ATP8B1: variants seen among roughly 807,000 people sequenced by gnomAD.
ATP8B1 encodes phospholipid-transporting ATPase IC.
ATP8B1 carries 80 observed loss-of-function variants against 149.9 expected under a neutral mutation model. The observed-to-expected ratio is 0.53, with a 90% CI of 0.45 to 0.64. The LOEUF (loss-of-function observed/expected upper bound fraction) is 0.64, where lower values mean the gene tolerates loss of function less well. ATP8B1 is among the 30% of genes least tolerant of loss of function. ATP8B1 has a pLI of 0.00. For synonymous variants in ATP8B1, 536 were observed against 562.8 expected, an observed-to-expected ratio of 0.95 and a Z score of 0.67; for missense variants, 1,247 against 1,552.6, an observed-to-expected ratio of 0.80 and a Z score of 3.31.
In ATP8B1 at chr18:57,651,573, C is replaced by G. The variant is rs576066834; in HGVS notation, c.3400+461G>C. 3.9e-5 allele frequency among the ~76,000 whole-genome samples: 6 copies of G among 152,218 alleles called. No homozygotes were observed. In the East Asian group the frequency reaches 1.2e-3, roughly 29 times the overall value. On this transcript the variant is annotated intron_variant, in intron 26 of 27. Coordinates refer to ENST00000648908, the MANE Select transcript of ATP8B1 (RefSeq NM_001374385.1). Reference sequence around the variant, plus strand: ...CCACCATCACCATTTAATTTCCAGACAAGACATTAATTTTCACTAGCAATA... The same window carrying G: ...CCACCATCACCATTTAATTTCCAGAGAAGACATTAATTTTCACTAGCAATA...
Position 57,671,495 on chromosome 18 carries a change from A to C in ATP8B1, c.1905T>G (p.Thr635=). The C allele has an allele frequency of 6.2e-7, 1 of 1,613,700 alleles. No homozygotes were observed. Among genetic ancestry groups the C allele is most frequent in the Admixed American group, 1.7e-5 (1 of 60,024 alleles). The change falls in exon 17 of 28, where the codon ACT becomes ACG. Residue 635 remains threonine, a synonymous_variant. Transcript: ENST00000648908. ...IYERLHRMNP[T]KQETQDALDI... ...CCAGGGCATCCTGTGTTTCTTGCTT[A>C]GTAGGATTCATTCGATGTAACCGTT...
intron 1 of ATP8B1, among the ~76,000 whole-genome samples, chr18:57,779,695 C>T (rs938283271): frequency 3.9e-5 from 6 of 152,158 alleles, no homozygotes; most frequent in Admixed American, 3.3e-4. Context: ...GTCAGCACTT[C>T]GAGACCAGCC....
rs1007120102 is a variant in ATP8B1 at position 57,802,061 on chromosome 18, C to CG, written c.-26+936_-26+937insC. 6.6e-6 allele frequency: 1 copy of CG among 151,792 alleles called. No individual in the cohort carries two copies. The highest frequency in any genetic ancestry group is 6.6e-5 in the Admixed American group (1 of 15,236). The allele number at this position is 151,792 out of a possible 1,614,324, so 9.4% of individuals were successfully genotyped here. On this transcript the variant is annotated intron_variant, in intron 1 of 27. Coordinates refer to ENST00000648908, the MANE Select transcript of ATP8B1 (RefSeq NM_001374385.1). The surrounding 1 kb of genome is among the most constrained non-coding windows in gnomAD (Gnocchi z 4.9). ...ATCTGCGCTCCGAGCACCGCCCCCC[C>CG]CCGCAACCAGCCACCAACCCCCGGC...
intron 1 of ATP8B1, among the ~76,000 whole-genome samples, chr18:57,769,395 G>A (rs772849435): frequency 1.3e-4 from 20 of 152,050 alleles, no homozygotes; most frequent in Non-Finnish European, 2.8e-4. Context: ...AGGTATGCCC[G>A]TGCGCCTTCC....
chr18:57,713,179 C>CTTTCTTTCTT lies in ATP8B1; in HGVS notation c.182-6602_182-6593dup, dbSNP rs1555694211. ...TTTCTCTTTCTTTCTTTCTTTCTTT[C>CTTTCTTTCTT]TTTCTTTCTTTCTTTCTTTCCTTCC... On this transcript the variant is annotated intron_variant, in intron 2 of 27. Transcript: ENST00000648908. Among the ~76,000 whole-genome samples, 8 of 74,864 alleles carry CTTTCTTTCTT rather than the reference C, an allele frequency of 1.1e-4. 1 individual carries two copies. The highest frequency in any genetic ancestry group is 2.1e-4 in the Non-Finnish European group (8 of 37,706). The allele number at this position is 74,864 out of a possible 152,430, so 49.1% of individuals were successfully genotyped here.
chr18:57,702,199 C>A (rs575883558), intron 4 of ATP8B1, among the ~76,000 whole-genome samples: 1 of 152,294 alleles, frequency 6.6e-6, no homozygotes, highest in Non-Finnish European at 1.5e-5. Flanking sequence ...ATTGGCCTAT[C>A]CAAGAAAGTG....
At chr18:57,719,379 G>C (rs1032651248) in intron 2 of ATP8B1, among the ~76,000 whole-genome samples, 7 of 152,212 alleles carry the variant, frequency 4.6e-5, no homozygotes, top group Admixed American at 4.6e-4. Flanking sequence ...GTGCCAGACA[G>C]TGGGCGCAGG....
rs1370392608 is a variant in ATP8B1 at position 57,648,447 on chromosome 18, A to T, written c.*41T>A. The T allele has an allele frequency of 6.2e-7, 1 of 1,600,674 alleles. No individual in the cohort carries two copies. Among genetic ancestry groups the T allele is most frequent in the African/African-American group, 1.3e-5 (1 of 74,772 alleles). On this transcript the variant is annotated 3_prime_UTR_variant, in exon 28 of 28. Coordinates refer to ENST00000648908, the MANE Select transcript of ATP8B1 (RefSeq NM_001374385.1). ...TCCTGAGAGTCTTTCATAAAAAAAT[A>T]GACGTGCTTTGTGGCCGCATCCCAG...
Position 57,784,209 on chromosome 18 carries a change from A to G in ATP8B1, c.-26+18789T>C, listed in dbSNP as rs1487226739. Among the ~76,000 whole-genome samples, 2 of 152,182 alleles carry G rather than the reference A, an allele frequency of 1.3e-5. No homozygotes were observed. Among genetic ancestry groups the G allele is most frequent in the Non-Finnish European group, 2.9e-5 (2 of 68,034 alleles). ...CTTCAGAAACTGAAGGAGAAAAAGA[A>G]TGGAATTTGCAGGGGGAAGCCGGGG... On this transcript the variant is annotated intron_variant, in intron 1 of 27. Coordinates refer to ENST00000648908, the MANE Select transcript of ATP8B1 (RefSeq NM_001374385.1). This position sits in a 1 kb window ranked among gnomAD's most constrained non-coding sequence, Gnocchi z 4.4.
At chr18:57,800,341 T>C (rs796727051) in intron 1 of ATP8B1, among the ~76,000 whole-genome samples, 32 of 152,218 alleles carry the variant, frequency 2.1e-4, no homozygotes, top group African/African-American at 7.5e-4. Context: ...TGTATTTTAT[T>C]TATAAAAAAT....
chr18:57,668,481 T>G lies in ATP8B1; in HGVS notation c.2157A>C (p.Ser719=). ...KLQDGVPETI[S]KLAKADIKIW... is the part of the protein sequence containing the mutation. Reference sequence around the variant, plus strand: ...TCTTAATGTCAGCTTTTGCAAGTTTTGAAATGGTTTCTGGAACTCCATCCT... The same window carrying G: ...TCTTAATGTCAGCTTTTGCAAGTTTGGAAATGGTTTCTGGAACTCCATCCT... Residue 719 remains serine, a synonymous_variant, in exon 19 of 28, where the codon TCA becomes TCC. Transcript: ENST00000648908. 1 of 1,610,996 alleles carries G rather than the reference T, an allele frequency of 6.2e-7. No individual in the cohort carries two copies. Among genetic ancestry groups the G allele is most frequent in the South Asian group, 1.1e-5 (1 of 91,020 alleles).
chr18:57,778,924 CAGA>C (rs1226264178), intron 1 of ATP8B1, among the ~76,000 whole-genome samples: 3 of 152,120 alleles, frequency 2.0e-5, no homozygotes, highest in East Asian at 3.9e-4. Context: ...TTCCCAGAAA[CAGA>C]AGAAATCACA....
intron 2 of ATP8B1, among the ~76,000 whole-genome samples, chr18:57,713,244 T>TTCC (rs1913814253): frequency 8.6e-5 from 7 of 81,312 alleles, no homozygotes; most frequent in South Asian, 5.0e-4. Context: ...TCCTTCCTTC[T>TTCC]TTCTTTCTTT....
chr18:57,699,967 C>T (rs2122929516), intron 6 of ATP8B1, among the ~76,000 whole-genome samples: 1 of 152,242 alleles, frequency 6.6e-6, no homozygotes, highest in South Asian at 2.1e-4. Context: ...CCTGAGCAGC[C>T]CCTGCAGTGG....
chr18:57,673,512 T>G (rs1364679043), intron 16 of ATP8B1, among the ~76,000 whole-genome samples: 2 of 151,592 alleles, frequency 1.3e-5, no homozygotes, highest in Non-Finnish European at 2.9e-5. Flanking sequence ...TATTCTCTTT[T>G]TTATATTTTT....
At chr18:57,653,529 G>T (rs975241340) in intron 24 of ATP8B1, among the ~76,000 whole-genome samples, 1 of 151,586 alleles carries the variant, frequency 6.6e-6, no homozygotes, top group African/African-American at 2.4e-5. Flanking sequence ...GAAGCAATTT[G>T]CCTGCCTCAG....
chr18:57,661,711 A>ATT (rs1910443654), intron 21 of ATP8B1, among the ~76,000 whole-genome samples: 12 of 91,542 alleles, frequency 1.3e-4, no homozygotes, highest in African/African-American at 4.5e-4. Context: ...ATATATATAT[A>ATT]TATTTTTTTT....
intron 1 of ATP8B1, among the ~76,000 whole-genome samples, chr18:57,756,947 C>T (rs933583617): frequency 6.6e-6 from 1 of 152,098 alleles, no homozygotes; most frequent in Admixed American, 6.6e-5. Context: ...GCAAATGTCC[C>T]GTTCCTTATC....
Position 57,744,450 on chromosome 18 carries a change from G to C in ATP8B1, c.-25-12618C>G, listed in dbSNP as rs541195458. Among the ~76,000 whole-genome samples the C allele has an allele frequency of 6.8e-3, 1,029 of 151,558 alleles. 7 individuals carry two copies. The highest frequency in any genetic ancestry group is 0.022 in the African/African-American group (888 of 40,956). On this transcript the variant is annotated intron_variant, in intron 1 of 27. Transcript: ENST00000648908. ...GAAAAAAAAAGTAAATAAAAGACTG[G>C]GGCTGGTTCCCATAGGATAAGAATG...
Sources: gnomAD v4.1 joint callset for allele counts (sites outside exome capture counted in the v4.1 genomes callset) on GRCh38, gnomAD v4.1.1 for gene constraint, Gnocchi (gnomAD v3.1) non-coding constraint, MANE v1.5 for transcripts, NCBI Gene and HGNC (gene_info 2026-07-23, HGNC 2026-07-21) for gene names.